Variants in ARHGAP15 observed in about 807,000 individuals in gnomAD.
ARHGAP15 encodes the protein Rho GTPase activating protein 15.
A neutral mutation model predicts 63.7 loss-of-function variants in ARHGAP15; 51 were observed. That is an observed-to-expected ratio of 0.80 (90% CI 0.64 to 1.01). The LOEUF (loss-of-function observed/expected upper bound fraction) is 1.01, where lower values mean the gene tolerates loss of function less well. Among genes scored for constraint, ARHGAP15 ranks in the 50% least tolerant of loss-of-function variants. The pLI is 0.00. For synonymous variants in ARHGAP15, 191 were observed against 193.8 expected, an observed-to-expected ratio of 0.99 and a Z score of 0.12; for missense variants, 560 against 564.6, an observed-to-expected ratio of 0.99 and a Z score of 0.08.
At chr2:143,242,545 C>T (rs545784156) in intron 5 of ARHGAP15, among the ~76,000 whole-genome samples, 2 of 152,286 alleles carry the variant, frequency 1.3e-5, no homozygotes, top group South Asian at 2.1e-4. Flanking sequence ...ACTTTCTCCT[C>T]AAAAACAAAC....
intron 13 of ARHGAP15, among the ~76,000 whole-genome samples, chr2:143,755,709 C>T (rs1005392896): frequency 2.6e-5 from 4 of 152,132 alleles, no homozygotes; most frequent in Non-Finnish European, 5.9e-5. Context: ...GGTGTGGTGG[C>T]TCACACCTGT....
rs1033820816 is a variant in ARHGAP15 at position 143,505,419 on chromosome 2, G to A, written c.827-13847G>A. Among the ~76,000 whole-genome samples the A allele has an allele frequency of 1.1e-4, 17 of 152,110 alleles. 1 individual carries two copies. Among genetic ancestry groups the A allele is most frequent in the Admixed American group, 8.5e-4 (13 of 15,266 alleles). ...ACTTTGGGACAGGATAAGGTGTTTT[G>A]GAAATGTTGTTGCATTGTCACTTTC... is the stretch of plus-strand genomic sequence containing the variant. On this transcript the variant is annotated intron_variant, in intron 9 of 13. Transcript: ENST00000295095.
At chr2:143,715,713 T>C (rs1684781864) in intron 13 of ARHGAP15, among the ~76,000 whole-genome samples, 1 of 152,204 alleles carries the variant, frequency 6.6e-6, no homozygotes, top group Non-Finnish European at 1.5e-5. Context: ...TGTGCAGAAG[T>C]TCTTTAGTTC....
chr2:143,167,224 A>G (rs113346836), intron 2 of ARHGAP15, among the ~76,000 whole-genome samples: 7 of 152,238 alleles, frequency 4.6e-5, no homozygotes, highest in African/African-American at 1.4e-4. Flanking sequence ...TGGTTTGTAC[A>G]TGATCTAATT....
Position 143,737,692 on chromosome 2 carries a change from T to C in ARHGAP15, c.1245-30297T>C, listed in dbSNP as rs191444146. On this transcript the variant is annotated intron_variant, in intron 13 of 13. Transcript: ENST00000295095. ...AAGGAACCATTCTTCCCATCCCTAA[T>C]GGTAATCTCATGAAAACTTTTGAAA... is the stretch of plus-strand genomic sequence containing the variant. 1.7e-3 allele frequency among the ~76,000 whole-genome samples: 257 copies of C among 152,262 alleles called. 2 individuals carry two copies. Among genetic ancestry groups the C allele is most frequent in the African/African-American group, 5.9e-3 (245 of 41,566 alleles).
At chr2:143,278,652 A>T (rs943981480) in intron 6 of ARHGAP15, among the ~76,000 whole-genome samples, 1 of 152,072 alleles carries the variant, frequency 6.6e-6, no homozygotes, top group Non-Finnish European at 1.5e-5. Flanking sequence ...TGCCTCAAAT[A>T]TTTCTATTCT....
intron 6 of ARHGAP15, among the ~76,000 whole-genome samples, chr2:143,413,966 T>TATGTGCGCGCGCGC (rs1553476595): frequency 8.5e-6 from 1 of 117,910 alleles, no homozygotes; most frequent in Non-Finnish European, 1.7e-5. Context: ...TGTGTGTGTG[T>TATGTGCGCGCGCGC]GCGCGCTCTC....
At chr2:143,668,556 G>A (rs753656542) in intron 12 of ARHGAP15, among the ~76,000 whole-genome samples, 1 of 88,974 alleles carries the variant, frequency 1.1e-5, no homozygotes, top group Admixed American at 1.1e-4. Flanking sequence ...TTTGTTTGCA[G>A]GTGCAATTAG....
intron 2 of ARHGAP15, among the ~76,000 whole-genome samples, chr2:143,182,330 G>A (rs1574059643): frequency 6.6e-6 from 1 of 152,272 alleles, no homozygotes; most frequent in Non-Finnish European, 1.5e-5. Context: ...TGGTATCTCA[G>A]AGAATAGGGA....
chr2:143,549,534 G>T (rs1444549331), intron 10 of ARHGAP15, among the ~76,000 whole-genome samples: 1 of 152,102 alleles, frequency 6.6e-6, no homozygotes, highest in Non-Finnish European at 1.5e-5. Context: ...AACAGAAATT[G>T]TCAAGAGGGC....
intron 8 of ARHGAP15, among the ~76,000 whole-genome samples, chr2:143,474,470 TC>T (rs1463729143): frequency 6.6e-6 from 1 of 152,188 alleles, no homozygotes; most frequent in African/African-American, 2.4e-5. Context: ...AATCTAAAAT[TC>T]CTGGTTACTG....
At chr2:143,160,672 C>T (rs1690257358) in intron 2 of ARHGAP15, among the ~76,000 whole-genome samples, 1 of 151,916 alleles carries the variant, frequency 6.6e-6, no homozygotes, top group Non-Finnish European at 1.5e-5. Flanking sequence ...TGCTGTAGAA[C>T]AGATGAAAAA....
chr2:143,301,726 T>A (rs1682907330), intron 6 of ARHGAP15, among the ~76,000 whole-genome samples: 1 of 151,856 alleles, frequency 6.6e-6, no homozygotes. Flanking sequence ...TCCATATGTG[T>A]ATATATGTGT....
chr2:143,325,226 G>A (rs1329223630), intron 6 of ARHGAP15, among the ~76,000 whole-genome samples: 1 of 152,098 alleles, frequency 6.6e-6, no homozygotes, highest in Admixed American at 6.6e-5. Context: ...TGGACCGTAT[G>A]TTCAAGACAG....
At chr2:143,505,157 GT>G (rs1257242902) in intron 9 of ARHGAP15, among the ~76,000 whole-genome samples, 1 of 152,182 alleles carries the variant, frequency 6.6e-6, no homozygotes, top group Non-Finnish European at 1.5e-5. Context: ...TCCTGACTGT[GT>G]TTTACCAACT....
At chr2:143,511,085 A>G (rs898657958) in intron 9 of ARHGAP15, among the ~76,000 whole-genome samples, 2 of 152,182 alleles carry the variant, frequency 1.3e-5, no homozygotes, top group African/African-American at 4.8e-5. Flanking sequence ...GATGAGGGAG[A>G]ATGAAACTAA....
intron 12 of ARHGAP15, among the ~76,000 whole-genome samples, chr2:143,666,371 C>G (rs1043816452): frequency 2.0e-5 from 3 of 152,080 alleles, no homozygotes; most frequent in Admixed American, 6.5e-5. Flanking sequence ...GCCATATGTA[C>G]AAAGCTGAAA....
chr2:143,661,401 A>C (rs1204062134), intron 12 of ARHGAP15, among the ~76,000 whole-genome samples: 1 of 152,232 alleles, frequency 6.6e-6, no homozygotes. Context: ...TTTTATATAG[A>C]TTAATAAAAC....
At chr2:143,538,113 T>C (rs1295066164) in intron 10 of ARHGAP15, among the ~76,000 whole-genome samples, 1 of 152,158 alleles carries the variant, frequency 6.6e-6, no homozygotes, top group Non-Finnish European at 1.5e-5. Context: ...TAAGTTGGAT[T>C]CCTAGGTATT....
Sources: allele counts gnomAD v4.1 joint callset (sites outside exome capture counted in the v4.1 genomes callset), GRCh38; gene constraint gnomAD v4.1.1; transcripts MANE v1.5; gene names NCBI Gene and HGNC (gene_info 2026-07-23, HGNC 2026-07-21).